The following KCNIP3 variants were observed in gnomAD, a reference collection of about 807,000 sequenced individuals.
KCNIP3 encodes the protein calsenilin.
Under a neutral mutation model 35.0 loss-of-function variants are expected in KCNIP3, and 28 were observed. The observed-to-expected ratio is 0.80, with a 90% CI of 0.59 to 1.10. The LOEUF is 1.10. KCNIP3 is among the 50% of genes least tolerant of loss of function. KCNIP3 has a pLI of 0.00. For synonymous variants in KCNIP3, 134 were observed against 133.8 expected (o/e 1.00, Z -0.01); for missense variants, 295 against 338.4 (o/e 0.87, Z 1.01).
At chr2:95,318,328 G>A (rs1165487664) in intron 2 of KCNIP3, among the ~76,000 whole-genome samples, 13 of 152,284 alleles carry the variant, frequency 8.5e-5, no homozygotes, top group South Asian at 8.3e-4. Context: ...GGCCCTCCCC[G>A]TCTCCTTCCC....
intron 2 of KCNIP3, among the ~76,000 whole-genome samples, chr2:95,350,408 G>A (rs1679483681): frequency 6.6e-6 from 1 of 152,202 alleles, no homozygotes; most frequent in Admixed American, 6.5e-5. Flanking sequence ...TTAGCACCCT[G>A]TGCCTAGAAC....
chr2:95,367,310 A>G (rs59665910), intron 2 of KCNIP3, among the ~76,000 whole-genome samples: 21,365 of 152,112 alleles, frequency 0.14, 1,930 homozygotes, highest in African/African-American at 0.25. Flanking sequence ...AAAAAAACCA[A>G]TATCTTTATT....
At chr2:95,373,158 C>T (rs1177167682) in intron 2 of KCNIP3, among the ~76,000 whole-genome samples, 3 of 152,072 alleles carry the variant, frequency 2.0e-5, no homozygotes, top group Non-Finnish European at 4.4e-5. Context: ...GGAGACAGGG[C>T]GACGGTGCAG....
intron 2 of KCNIP3, chr2:95,346,602 G>C (rs1281753855): frequency 6.9e-6 from 1 of 145,474 alleles, no homozygotes; most frequent in Non-Finnish European, 1.5e-5. Flanking sequence ...CCGCCGCCGC[G>C]CCGCCGCCGC....
At chr2:95,347,838 C>T (rs949038727) in intron 2 of KCNIP3, among the ~76,000 whole-genome samples, 27 of 152,244 alleles carry the variant, frequency 1.8e-4, no homozygotes, top group African/African-American at 6.5e-4. Context: ...CTGTTGCCCT[C>T]TCCGAGGACA....
intron 2 of KCNIP3, among the ~76,000 whole-genome samples, chr2:95,331,063 G>A (rs1194187219): frequency 6.6e-6 from 1 of 152,108 alleles, no homozygotes; most frequent in African/African-American, 2.4e-5. Flanking sequence ...GGCAGCAAGG[G>A]CCAGAGCTCA....
intron 2 of KCNIP3, among the ~76,000 whole-genome samples, chr2:95,346,437 C>G (rs954211934): frequency 6.6e-6 from 1 of 150,898 alleles, no homozygotes; most frequent in Non-Finnish European, 1.5e-5. Flanking sequence ...CTGGGCTGGC[C>G]CGTGCCGGGC....
At chr2:95,375,018 G>T (rs754344386) in intron 4 of KCNIP3, 101 bp downstream of exon 4, 14 of 1,509,852 alleles carry the variant, frequency 9.3e-6, no homozygotes, top group Admixed American at 5.0e-5. Flanking sequence ...CCCCTGTCCC[G>T]TGGGAAACAG....
intron 2 of KCNIP3, among the ~76,000 whole-genome samples, chr2:95,360,424 C>G (rs745631666): frequency 6.6e-6 from 1 of 152,206 alleles, no homozygotes; most frequent in Non-Finnish European, 1.5e-5. Context: ...TTCTCATCTT[C>G]TGAGCCCTTA....
At chr2:95,368,539 T>A (rs1573516413) in intron 2 of KCNIP3, 1 of 352,302 alleles carries the variant, frequency 2.8e-6, no homozygotes, top group Non-Finnish European at 5.7e-6. Flanking sequence ...TAAAAAAAAA[T>A]TAAGTGGGAG....
chr2:95,318,262 G>A (rs973359758), intron 2 of KCNIP3, among the ~76,000 whole-genome samples: 1 of 152,178 alleles, frequency 6.6e-6, no homozygotes, highest in African/African-American at 2.4e-5. Context: ...GGCTGGGAGA[G>A]AGTGGGGTGG....
chr2:95,375,559 C>T (rs1308126933), intron 5 of KCNIP3, among the ~76,000 whole-genome samples: 6 of 152,090 alleles, frequency 3.9e-5, no homozygotes, highest in Non-Finnish European at 7.3e-5. Flanking sequence ...GGTTTGCTGA[C>T]GGTGGGATGT....
intron 1 of KCNIP3, among the ~76,000 whole-genome samples, chr2:95,308,107 C>T (rs2278066): frequency 0.77 from 116,688 of 151,742 alleles, 45,358 homozygotes; most frequent in African/African-American, 0.87. Flanking sequence ...CATGTGTGTG[C>T]GTGTGTGTGC....
In KCNIP3 at chr2:95,376,722, G is replaced by A. The variant is rs1414633547; in HGVS notation, c.447+1514G>A. ...CACAAGCCCCCATGGCCCCATCCTG[G>A]GAGCCCCACAGACTGGGATCCCAGT... is the stretch of plus-strand genomic sequence containing the variant. On this transcript the variant is annotated intron_variant, in intron 5 of 8. Transcript: ENST00000295225. This position sits in a 1 kb window ranked among gnomAD's most constrained non-coding sequence, Gnocchi z 4.2. Among the ~76,000 whole-genome samples, 1 of 152,210 alleles carries A rather than the reference G, an allele frequency of 6.6e-6. No homozygotes were observed. Among genetic ancestry groups the A allele is most frequent in the Non-Finnish European group, 1.5e-5 (1 of 68,030 alleles).
intron 2 of KCNIP3, among the ~76,000 whole-genome samples, chr2:95,340,687 T>G (rs1679176363): frequency 6.6e-6 from 1 of 152,236 alleles, no homozygotes; most frequent in African/African-American, 2.4e-5. Flanking sequence ...AAGAGACGGT[T>G]TCTTCTCCCC....
At chr2:95,348,979 G>A (rs1477484419) in intron 2 of KCNIP3, among the ~76,000 whole-genome samples, 4 of 152,196 alleles carry the variant, frequency 2.6e-5, no homozygotes, top group Admixed American at 6.5e-5. Context: ...GATAATAAAT[G>A]TGCAGGCTTT....
At chr2:95,310,216 C>G (rs749387375) in intron 1 of KCNIP3, 139 bp from the exon 2 acceptor site, 17 of 979,446 alleles carry the variant, frequency 1.7e-5, no homozygotes, top group Non-Finnish European at 2.8e-5. Context: ...ACAAGGGGCA[C>G]TAGGCATGCA....
intron 1 of KCNIP3, among the ~76,000 whole-genome samples, chr2:95,300,421 CCCCTGGGCAT>C (rs1381099190): frequency 6.6e-6 from 1 of 152,122 alleles, no homozygotes; most frequent in Non-Finnish European, 1.5e-5. Flanking sequence ...CCCCAGCCCA[CCCCTGGGCAT>C]CCCAGTGACT....
At chr2:95,338,730 G>A (rs1024342530) in intron 2 of KCNIP3, among the ~76,000 whole-genome samples, 1 of 152,212 alleles carries the variant, frequency 6.6e-6, no homozygotes, top group Non-Finnish European at 1.5e-5. Context: ...GAGAGGTGAC[G>A]TGAAATCAGC....
Sources: allele counts gnomAD v4.1 joint callset (sites outside exome capture counted in the v4.1 genomes callset), GRCh38; gene constraint gnomAD v4.1.1; non-coding constraint Gnocchi (gnomAD v3.1); transcripts MANE v1.5; gene names NCBI Gene and HGNC (gene_info 2026-07-23, HGNC 2026-07-21).